Variants in CD8B observed in about 807,000 individuals in gnomAD.
CD8B encodes the protein T-cell surface glycoprotein CD8 beta chain.
Under a neutral mutation model 24.2 loss-of-function variants are expected in CD8B, and 6 were observed. That is an observed-to-expected ratio of 0.25 (90% CI 0.14 to 0.49). The LOEUF (loss-of-function observed/expected upper bound fraction) is 0.49, where lower values mean the gene tolerates loss of function less well. CD8B is among the 20% of genes least tolerant of loss of function. CD8B has a pLI of 0.98. For missense variants in CD8B, 196 were observed against 271.3 expected (o/e 0.72, Z 1.95); for synonymous variants, 84 against 108.3 (o/e 0.78, Z 1.39).
chr2:86,849,522 G>C (rs1317420558), intron 3 of CD8B, among the ~76,000 whole-genome samples: 1 of 151,962 alleles, frequency 6.6e-6, no homozygotes, highest in Non-Finnish European at 1.5e-5. Flanking sequence ...GTGGCTGCCA[G>C]GGGCTGGGAA....
downstream of CD8B, among the ~76,000 whole-genome samples, chr2:86,835,027 C>T (rs1307774580): frequency 6.6e-6 from 1 of 151,914 alleles, no homozygotes; most frequent in East Asian, 1.9e-4. Context: ...CACAGGCGCA[C>T]TCTGAAATTA....
downstream of CD8B, among the ~76,000 whole-genome samples, chr2:86,834,091 C>A (rs1675069515): frequency 6.6e-6 from 1 of 152,118 alleles, no homozygotes; most frequent in African/African-American, 2.4e-5. Flanking sequence ...TGGATAGAAT[C>A]ATCTTTGTAT....
At chr2:86,824,777 A>G (rs534566657) in intron 5 of CD8B, among the ~76,000 whole-genome samples, 1 of 152,270 alleles carries the variant, frequency 6.6e-6, no homozygotes, top group Admixed American at 6.5e-5. Context: ...TACTATAAAC[A>G]CAGTGCTACA....
intron 5 of CD8B, chr2:86,822,309 A>G: frequency 2.0e-6 from 3 of 1,500,100 alleles, no homozygotes; most frequent in Non-Finnish European, 2.8e-6. Context: ...GAAGCTATCA[A>G]AATGTTTATA....
At chr2:86,829,757 T>C (rs2104513146) in intron 5 of CD8B, among the ~76,000 whole-genome samples, 1 of 152,334 alleles carries the variant, frequency 6.6e-6, no homozygotes, top group East Asian at 1.9e-4. Flanking sequence ...ATGTATTTTC[T>C]AATAAATCTT....
At chr2:86,846,312 G>A (rs1456361660) in intron 4 of CD8B, among the ~76,000 whole-genome samples, 2 of 152,090 alleles carry the variant, frequency 1.3e-5, no homozygotes, top group Non-Finnish European at 2.9e-5. Flanking sequence ...AACTGCTCAC[G>A]TGAGTTCCCA....
At chr2:86,849,607 C>T (rs1031173198) in intron 3 of CD8B, among the ~76,000 whole-genome samples, 20 of 152,142 alleles carry the variant, frequency 1.3e-4, no homozygotes, top group Admixed American at 4.6e-4. Flanking sequence ...ATTACGGTAA[C>T]GGTCGCCCAA....
intron 3 of CD8B, among the ~76,000 whole-genome samples, chr2:86,847,068 C>G (rs941703321): frequency 1.3e-5 from 2 of 151,106 alleles, no homozygotes; most frequent in Non-Finnish European, 2.9e-5. Context: ...TCCCGAGTAG[C>G]TGGGACTACA....
intron 5 of CD8B, among the ~76,000 whole-genome samples, chr2:86,827,248 TAA>T (rs75183084): frequency 1.4e-5 from 2 of 143,630 alleles, no homozygotes; most frequent in Non-Finnish European, 1.5e-5. Flanking sequence ...TCTTTTGAGT[TAA>T]AAAAAAAAAA....
chr2:86,833,312 G>C (rs1674997709), downstream of CD8B, among the ~76,000 whole-genome samples: 1 of 150,522 alleles, frequency 6.6e-6, no homozygotes, highest in African/African-American at 2.4e-5. Context: ...CTCTGCCTCA[G>C]CCTCCCGAGT....
chr2:86,824,369 G>T (rs763346827), intron 5 of CD8B, among the ~76,000 whole-genome samples: 7 of 152,136 alleles, frequency 4.6e-5, no homozygotes, highest in Non-Finnish European at 1.0e-4. Context: ...GTGCAGGGCT[G>T]GGTGGCTGTG....
chr2:86,861,566 C>T lies in CD8B; in HGVS notation c.43+257G>A, dbSNP rs538578925. ...ACTCGCTCCCCTTTTCACTGCCTCC[C>T]CTTCTCCTGCGTCCAGGCTTTTGAG... On this transcript the variant is annotated intron_variant, in intron 1 of 5. Transcript: ENST00000390655. Among the ~76,000 whole-genome samples, 3 of 152,320 alleles carry T rather than the reference C, an allele frequency of 2.0e-5. No individual in the cohort carries two copies. In the East Asian group the frequency reaches 5.8e-4, roughly 29 times the overall value.
At chr2:86,835,168 C>A (rs1463395366), downstream of CD8B, among the ~76,000 whole-genome samples, 1 of 152,136 alleles carries the variant, frequency 6.6e-6, no homozygotes, top group Non-Finnish European at 1.5e-5. Flanking sequence ...TGGTCTGAGC[C>A]ACTGTGAGCC....
At chr2:86,855,554 C>G (rs1176772486) in intron 2 of CD8B, among the ~76,000 whole-genome samples, 1 of 152,208 alleles carries the variant, frequency 6.6e-6, no homozygotes, top group Admixed American at 6.5e-5. Flanking sequence ...CACACTACCT[C>G]ACGTGCAAAG....
chr2:86,837,477 T>C (rs563840529), downstream of CD8B, among the ~76,000 whole-genome samples: 2 of 152,002 alleles, frequency 1.3e-5, no homozygotes, highest in East Asian at 3.9e-4. Flanking sequence ...TCCCCGGGAG[T>C]GTCAGTGACG....
At chr2:86,823,008 A>G (rs774675755) in intron 5 of CD8B, among the ~76,000 whole-genome samples, 1 of 152,196 alleles carries the variant, frequency 6.6e-6, no homozygotes, top group African/African-American at 2.4e-5. Flanking sequence ...GTCATTTCTA[A>G]GTATACACTC....
intron 5 of CD8B, among the ~76,000 whole-genome samples, chr2:86,829,952 G>A (rs1002140949): frequency 1.3e-5 from 2 of 152,162 alleles, no homozygotes; most frequent in Admixed American, 1.3e-4. Context: ...ATAATGCATT[G>A]TGAACATCTT....
chr2:86,837,434 C>G (rs1675220634), downstream of CD8B, among the ~76,000 whole-genome samples: 1 of 152,118 alleles, frequency 6.6e-6, no homozygotes, highest in Non-Finnish European at 1.5e-5. Context: ...AGTTATGTAA[C>G]TGGGAGGACT....
At chr2:86,844,275 C>A (rs1337789847) in intron 5 of CD8B, among the ~76,000 whole-genome samples, 1 of 151,312 alleles carries the variant, frequency 6.6e-6, no homozygotes, top group African/African-American at 2.4e-5. Flanking sequence ...ACTCTGTCAA[C>A]TCCTGGGACC....
Sources: allele counts gnomAD v4.1 joint callset (sites outside exome capture counted in the v4.1 genomes callset), GRCh38; gene constraint gnomAD v4.1.1; transcripts MANE v1.5; gene names NCBI Gene and HGNC (gene_info 2026-07-23, HGNC 2026-07-21).